The following PPAT variants were observed in gnomAD, a reference collection of about 807,000 sequenced individuals.
The protein encoded by PPAT is amidophosphoribosyltransferase.
PPAT carries 20 observed loss-of-function variants against 60.2 expected under a neutral mutation model. That is an observed-to-expected ratio of 0.33 (90% CI 0.23 to 0.48). PPAT has a LOEUF of 0.48. PPAT is among the 20% of genes least tolerant of loss of function. PPAT has a pLI of 0.99. For synonymous variants in PPAT, 194 were observed against 215.1 expected (o/e 0.90, Z 0.86); for missense variants, 349 against 629.6 (o/e 0.55, Z 4.77).
At chr4:56,416,671 A>C (rs1346596839) in intron 1 of PPAT, among the ~76,000 whole-genome samples, 1 of 152,188 alleles carries the variant, frequency 6.6e-6, no homozygotes, top group Non-Finnish European at 1.5e-5. Flanking sequence ...TTACTCTTTA[A>C]ATATTATAAG....
rs1560640178 is a variant in PPAT at position 56,407,726 on chromosome 4, TAA to T, written c.129-12_129-11del. On this transcript the variant is annotated splice_polypyrimidine_tract_variant and intron_variant, in intron 1 of 10. Coordinates refer to ENST00000264220, the MANE Select transcript of PPAT (RefSeq NM_002703.5). ...AGCACTCTCCTGACCCCTGTGAATATAAAAAGATATTAGCTGTTAAATCTGCC... is the reference window on the plus strand; with the variant it reads ...AGCACTCTCCTGACCCCTGTGAATATAAAGATATTAGCTGTTAAATCTGCC... The T allele has an allele frequency of 1.3e-6, 2 of 1,586,656 alleles. No homozygotes were observed. Among genetic ancestry groups the T allele is most frequent in the Admixed American group, 1.7e-5 (1 of 59,960 alleles).
At chr4:56,433,406 A>G (rs1447951290) in intron 1 of PPAT, among the ~76,000 whole-genome samples, 25 of 149,598 alleles carry the variant, frequency 1.7e-4, no homozygotes, top group African/African-American at 5.8e-4. Flanking sequence ...TTAAAAAAAA[A>G]AAAAAAGAAA....
Position 56,406,621 on chromosome 4 carries a change from G to A in PPAT, c.276C>T (p.Thr92=), listed in dbSNP as rs759373880. 6.2e-7 allele frequency: 1 copy of A among 1,612,810 alleles called. No individual in the cohort carries two copies. Among genetic ancestry groups the A allele is most frequent in the Non-Finnish European group, 8.5e-7 (1 of 1,178,984 alleles). Residue 92 remains threonine (T), a synonymous_variant, in exon 3 of 11, where the codon ACC becomes ACT. Transcript: ENST00000264220. Reference sequence around the variant, plus strand: ...CACATTTTCCTGTGGTGGCATACCTGGTGTGTCCAATTCCAAGATTTGAAA... The same window carrying A: ...CACATTTTCCTGTGGTGGCATACCTAGTGTGTCCAATTCCAAGATTTGAAA... ...LYVSNLGIGH[T]RYATTGKCEL... is the part of the protein sequence containing the mutation.
chr4:56,421,354 GTAA>G (rs1327509889), intron 1 of PPAT: 3 of 153,024 alleles, frequency 2.0e-5, no homozygotes, highest in Non-Finnish European at 2.9e-5. Context: ...ATATTACAAC[GTAA>G]TAATAACAGA....
At chr4:56,421,071 C>T (rs972938815) in intron 1 of PPAT, 5 of 152,186 alleles carry the variant, frequency 3.3e-5, no homozygotes, top group African/African-American at 9.7e-5. Flanking sequence ...ACAGACACTC[C>T]CCATCATGCA....
intron 1 of PPAT, among the ~76,000 whole-genome samples, chr4:56,426,221 T>C (rs1717277356): frequency 6.6e-6 from 1 of 152,016 alleles, no homozygotes; most frequent in Admixed American, 6.6e-5. Context: ...GCCAACATGG[T>C]GAAACCCCAT....
intron 1 of PPAT, among the ~76,000 whole-genome samples, chr4:56,432,701 C>T (rs562721045): frequency 3.3e-5 from 5 of 150,248 alleles, no homozygotes; most frequent in Non-Finnish European, 5.9e-5. Context: ...AGGAGAATGG[C>T]GTGAACCCGG....
chr4:56,406,777 C>T lies in PPAT; in HGVS notation c.196-76G>A. The stretch of plus-strand genomic sequence containing the variant: ...GTAATAAACGCCTCTCTTCTCTGCC[C>T]AGCCAATCCAAATAAGACAAAGAAG... On this transcript the variant is annotated intron_variant, in intron 2 of 10. Coordinates refer to ENST00000264220, the MANE Select transcript of PPAT (RefSeq NM_002703.5). 2 of 995,792 alleles carry T rather than the reference C, an allele frequency of 2.0e-6. 1 individual carries two copies. 61.7% of individuals were successfully genotyped at this position (995,792 alleles called of 1,614,324 possible). A position where few individuals can be genotyped will look rare whatever the true frequency, so the allele number is the denominator to read the frequency against.
intron 1 of PPAT, among the ~76,000 whole-genome samples, chr4:56,432,851 A>C (rs1420979853): frequency 1.3e-5 from 2 of 151,742 alleles, no homozygotes; most frequent in South Asian, 2.1e-4. Context: ...AAAAAGGAAA[A>C]AAACACAATC....
chr4:56,411,217 TAA>T lies in PPAT; in HGVS notation c.129-3503_129-3502del, dbSNP rs1363444210. On this transcript the variant is annotated intron_variant, in intron 1 of 10. Transcript: ENST00000264220. ...TATGGATTGAGTTCTAAAAATAGTT[TAA>T]GTTTTAATTTTATAAGAGTGGTAAA... Among the ~76,000 whole-genome samples the T allele has an allele frequency of 4.6e-5, 7 of 152,320 alleles. No individual in the cohort carries two copies. In the South Asian group the frequency reaches 1.0e-3, roughly 23 times the overall value.
At chr4:56,403,914 A>T (rs376981287) in intron 3 of PPAT, 24 of 334,760 alleles carry the variant, frequency 7.2e-5, no homozygotes, top group East Asian at 3.7e-4. Context: ...TGGACAGGAG[A>T]CAGAGCTCAG....
At chr4:56,406,770 C>T (rs1716252609) in intron 2 of PPAT, 69 bp from the exon 3 acceptor site, 1 of 1,052,922 alleles carries the variant, frequency 9.5e-7, no homozygotes, top group Admixed American at 2.1e-5. Flanking sequence ...CGCCTCTCTT[C>T]TCTGCCCAGC....
At chr4:56,398,273 G>A (rs1716030146) in intron 9 of PPAT, among the ~76,000 whole-genome samples, 1 of 152,032 alleles carries the variant, frequency 6.6e-6, no homozygotes, top group Admixed American at 6.6e-5. Flanking sequence ...AGAAGGCTGA[G>A]GTGGGAGGAT....
chr4:56,399,138 T>G (rs1008432094), intron 9 of PPAT, 41 bp downstream of exon 9: 1 of 1,522,240 alleles, frequency 6.6e-7, no homozygotes, highest in East Asian at 2.3e-5. Flanking sequence ...CAGTATCTTA[T>G]TGTTAACTTA....
At chr4:56,402,820 C>CACAAAA (rs1218357831) in intron 5 of PPAT, among the ~76,000 whole-genome samples, 2 of 44,026 alleles carry the variant, frequency 4.5e-5, no homozygotes, top group Non-Finnish European at 8.4e-5. Flanking sequence ...ACTCGGTCTC[C>CACAAAA]AAAAAAAAAA....
chr4:56,426,083 TA>T (rs1717268288), intron 1 of PPAT, among the ~76,000 whole-genome samples: 1 of 152,200 alleles, frequency 6.6e-6, no homozygotes, highest in African/African-American at 2.4e-5. Flanking sequence ...TATCCCATTT[TA>T]GAACATTTTG....
chr4:56,410,285 A>T (rs6855041), intron 1 of PPAT, among the ~76,000 whole-genome samples: 37,298 of 152,130 alleles, frequency 0.25, 5,245 homozygotes, highest in East Asian at 0.39. Context: ...GTCTCAAGGG[A>T]AGTTTTTCCT....
intron 1 of PPAT, 31 bp downstream of exon 1, chr4:56,435,319 A>ACGCCCCCGC (rs746907119): frequency 1.9e-6 from 3 of 1,611,486 alleles, no homozygotes; most frequent in South Asian, 2.2e-5. Context: ...ATGGAGACGC[A>ACGCCCCCGC]CGCCCCCGCC....
chr4:56,418,064 C>T (rs966002770), intron 1 of PPAT, among the ~76,000 whole-genome samples: 1 of 152,076 alleles, frequency 6.6e-6, no homozygotes, highest in Non-Finnish European at 1.5e-5. Context: ...GTCTTGATCT[C>T]CTGACCTCGT....
Sources: gnomAD v4.1 joint callset for allele counts (sites outside exome capture counted in the v4.1 genomes callset) on GRCh38, gnomAD v4.1.1 for gene constraint, MANE v1.5 for transcripts, NCBI Gene and HGNC (gene_info 2026-07-23, HGNC 2026-07-21) for gene names.